Variants in PHLPP1 observed in about 807,000 individuals in gnomAD.
The protein encoded by PHLPP1 is PH domain and leucine rich repeat protein phosphatase 1, also known as PH domain leucine-rich repeat-containing protein phosphatase 1.
A neutral mutation model predicts 117.2 loss-of-function variants in PHLPP1; 42 were observed. That is an observed-to-expected ratio of 0.36 (90% CI 0.28 to 0.46). The LOEUF (loss-of-function observed/expected upper bound fraction) is 0.46. PHLPP1 is among the 20% of genes least tolerant of loss of function. PHLPP1 has a pLI of 1.00. For missense variants in PHLPP1, 2,084 were observed against 2,241.9 expected, an observed-to-expected ratio of 0.93 and a Z score of 1.42; for synonymous variants, 1,042 against 970.7, an observed-to-expected ratio of 1.07 and a Z score of -1.37.
At chr18:62,823,889 C>A (rs965882988) in intron 1 of PHLPP1, among the ~76,000 whole-genome samples, 11 of 151,892 alleles carry the variant, frequency 7.2e-5, no homozygotes, top group Admixed American at 4.6e-4. Flanking sequence ...TCCAGCACTT[C>A]GGGAGGCCGA....
At chr18:62,740,302 A>G (rs1316617745) in intron 1 of PHLPP1, among the ~76,000 whole-genome samples, 1 of 152,066 alleles carries the variant, frequency 6.6e-6, no homozygotes, top group African/African-American at 2.4e-5. Flanking sequence ...TCATTTATGG[A>G]TATTTCTGAG....
At chr18:62,763,237 A>G (rs1022189830) in intron 1 of PHLPP1, among the ~76,000 whole-genome samples, 4 of 152,192 alleles carry the variant, frequency 2.6e-5, no homozygotes. Context: ...TGTCTGTTCT[A>G]CTGCTCTTTG....
intron 1 of PHLPP1, among the ~76,000 whole-genome samples, chr18:62,817,427 A>T (rs1208968272): frequency 1.3e-5 from 2 of 152,246 alleles, no homozygotes; most frequent in Non-Finnish European, 2.9e-5. Flanking sequence ...ATGTAGGTAA[A>T]TACACACACA....
rs114045893 is a variant in PHLPP1 at position 62,971,584 on chromosome 18, G to A, written c.3561-930G>A. On this transcript the variant is annotated intron_variant, in intron 14 of 16. Transcript: ENST00000262719. ...CCCCAGCTCCATCTCCTCAATGCAC[G>A]GAGACCACAGCCTCCACCTGGGTCT... Among the ~76,000 whole-genome samples the A allele has an allele frequency of 5.3e-3, 804 of 152,186 alleles. 4 individuals carry two copies. The highest frequency in any genetic ancestry group is 0.018 in the African/African-American group (764 of 41,514).
In PHLPP1 at chr18:62,978,297, C is replaced by T. The variant is rs1396867050; in HGVS notation, c.4020C>T (p.Arg1340=). Residue 1340 remains arginine (R), a synonymous_variant, in exon 17 of 17, where the codon CGC becomes CGT. Transcript: ENST00000262719. The surrounding 1 kb of genome is among the most constrained non-coding windows in gnomAD (Gnocchi z 7.0). ...GKVNGVTEST[R]ILGYTFLHPS... The stretch of plus-strand genomic sequence containing the variant: ...TGAACGGAGTGACTGAGTCCACGCG[C>T]ATCCTGGGCTACACCTTCCTCCATC... The T allele has an allele frequency of 6.2e-7, 1 of 1,611,652 alleles. No individual in the cohort carries two copies. The highest frequency in any genetic ancestry group is 1.7e-5 in the Admixed American group (1 of 59,882).
Position 62,716,562 on chromosome 18 carries a change from G to A in PHLPP1, c.879G>A (p.Gly293=), listed in dbSNP as rs1910744241. The change falls in exon 1 of 17, where the codon GGG becomes GGA. Residue 293 remains glycine (G), a synonymous_variant. Transcript: ENST00000262719. This position sits in a 1 kb window ranked among gnomAD's most constrained non-coding sequence, Gnocchi z 5.7. ...GGAGCGCGCCGGGTGCCTTCGGGGG[G>A]CCTCCGCGCGCGCCCCCCGCCGACC... ...PARSAPGAFG[G]PPRAPPADLP... The A allele has an allele frequency of 2.5e-6, 3 of 1,193,830 alleles. No individual in the cohort carries two copies. Among genetic ancestry groups the A allele is most frequent in the East Asian group, 3.6e-5 (1 of 28,074 alleles). 74.0% of individuals were successfully genotyped at this position (1,193,830 alleles called of 1,614,324 possible).
chr18:62,874,663 A>ATG (rs1915999079), intron 4 of PHLPP1, among the ~76,000 whole-genome samples: 4 of 116,762 alleles, frequency 3.4e-5, no homozygotes, highest in African/African-American at 1.4e-4. Flanking sequence ...GCGCGCACAC[A>ATG]CACACACACA....
intron 10 of PHLPP1, among the ~76,000 whole-genome samples, chr18:62,931,874 GACAGA>G (rs1909820336): frequency 1.0e-5 from 1 of 99,442 alleles, no homozygotes. Context: ...CAGCCTGGGC[GACAGA>G]AAAAAAAAAA....
intron 1 of PHLPP1, 59 bp from the exon 2 acceptor site, chr18:62,829,976 G>C: frequency 8.0e-7 from 1 of 1,248,528 alleles, no homozygotes; most frequent in African/African-American, 1.5e-5. Context: ...CTGCTATGTA[G>C]ATGAGTAGGA....
chr18:62,735,578 A>G (rs903201455), intron 1 of PHLPP1, among the ~76,000 whole-genome samples: 57 of 151,494 alleles, frequency 3.8e-4, no homozygotes, highest in African/African-American at 1.3e-3. Flanking sequence ...AACAACAACA[A>G]CAACAACAAC....
intron 1 of PHLPP1, among the ~76,000 whole-genome samples, chr18:62,786,148 G>A (rs1568116930): frequency 6.6e-6 from 1 of 152,120 alleles, no homozygotes; most frequent in African/African-American, 2.4e-5. Flanking sequence ...CTTAATATAG[G>A]CGTCTGTGGC....
intron 4 of PHLPP1, among the ~76,000 whole-genome samples, chr18:62,874,368 G>A (rs901384249): frequency 1.3e-5 from 2 of 151,852 alleles, no homozygotes; most frequent in African/African-American, 4.8e-5. Flanking sequence ...ACTTAGCCGG[G>A]CATGGTGGTG....
chr18:62,840,846 G>A (rs1362100705), intron 3 of PHLPP1, among the ~76,000 whole-genome samples: 1 of 152,124 alleles, frequency 6.6e-6, no homozygotes, highest in African/African-American at 2.4e-5. Flanking sequence ...TCAAGTATAA[G>A]AAACCATCAT....
chr18:62,858,478 G>T (rs1206726062), intron 3 of PHLPP1, among the ~76,000 whole-genome samples: 2 of 152,114 alleles, frequency 1.3e-5, no homozygotes, highest in Admixed American at 6.5e-5. Context: ...GGCCAGGCTG[G>T]TCTGGAACTT....
At chr18:62,849,866 C>T (rs1017365705) in intron 3 of PHLPP1, among the ~76,000 whole-genome samples, 1 of 114,872 alleles carries the variant, frequency 8.7e-6, no homozygotes, top group African/African-American at 3.4e-5. Flanking sequence ...GTTCCCATTA[C>T]GTACTTAGGA....
At chr18:62,972,065 T>A (rs1351557031) in intron 14 of PHLPP1, among the ~76,000 whole-genome samples, 1 of 152,210 alleles carries the variant, frequency 6.6e-6, no homozygotes, top group African/African-American at 2.4e-5. Flanking sequence ...AATAATTTTT[T>A]AAAAGTCATT....
At chr18:62,786,199 G>A (rs564914181) in intron 1 of PHLPP1, among the ~76,000 whole-genome samples, 17 of 152,290 alleles carry the variant, frequency 1.1e-4, no homozygotes, top group African/African-American at 4.1e-4. Flanking sequence ...AGTGTTCCTT[G>A]CAGTGTAAGG....
In PHLPP1 at chr18:62,978,631, G is replaced by C; in HGVS notation, c.4354G>C (p.Val1452Leu). The change falls in exon 17 of 17, where the codon GTG (valine) becomes CTG (leucine). Residue 1452 changes from valine (V) to leucine (L), a missense_variant. By Grantham distance (32) the Val-to-Leu change is conservative. Around this residue, in one of 2 missense-constraint regions of PHLPP1, gnomAD observed 1,365 missense variants for 1,605.9 expected, o/e 0.85. Transcript: ENST00000262719. The surrounding 1 kb of genome is among the most constrained non-coding windows in gnomAD (Gnocchi z 7.0). ...CAGTCCTGGCATCTTTCCTCCCTCA[G>C]TGAACATGGTGATCAAGGATCGGCC... ...PPSPGIFPPS[V>L]NMVIKDRPSD... 1 of 1,613,890 alleles carries C rather than the reference G, an allele frequency of 6.2e-7. No individual in the cohort carries two copies. Among genetic ancestry groups the C allele is most frequent in the Non-Finnish European group, 8.5e-7 (1 of 1,179,850 alleles).
intron 1 of PHLPP1, among the ~76,000 whole-genome samples, chr18:62,764,450 G>A (rs1474542512): frequency 6.6e-6 from 1 of 151,064 alleles, no homozygotes; most frequent in Non-Finnish European, 1.5e-5. Context: ...GAACCAAAAT[G>A]GGGATGCTAG....
Sources: allele counts gnomAD v4.1 joint callset (sites outside exome capture counted in the v4.1 genomes callset), GRCh38; gene constraint gnomAD v4.1.1; regional missense constraint gnomAD v4.1.1; non-coding constraint Gnocchi (gnomAD v3.1); transcripts MANE v1.5; gene names NCBI Gene and HGNC (gene_info 2026-07-23, HGNC 2026-07-21).